Variants in ADAM17 observed in about 807,000 individuals in gnomAD.
The protein encoded by ADAM17 is ADAM metallopeptidase domain 17, also known as disintegrin and metalloproteinase domain-containing protein 17.
ADAM17 carries 39 observed loss-of-function variants against 96.7 expected under a neutral mutation model. That is an observed-to-expected ratio of 0.40 (90% CI 0.31 to 0.53). The LOEUF (loss-of-function observed/expected upper bound fraction) is 0.53. Among genes scored for constraint, ADAM17 ranks in the 20% least tolerant of loss-of-function variants. ADAM17 has a pLI of 0.44. For synonymous variants in ADAM17, 344 were observed against 359.2 expected, an observed-to-expected ratio of 0.96 and a Z score of 0.48; for missense variants, 777 against 1,013.2, an observed-to-expected ratio of 0.77 and a Z score of 3.17.
intron 1 of ADAM17, among the ~76,000 whole-genome samples, chr2:9,551,021 G>C (rs551943317): frequency 1.1e-3 from 173 of 151,504 alleles, no homozygotes; most frequent in African/African-American, 4.1e-3. Context: ...GTTGCAGTAA[G>C]CCAAGATTGC....
intron 10 of ADAM17, among the ~76,000 whole-genome samples, chr2:9,516,882 C>T (rs1664085675): frequency 6.6e-6 from 1 of 152,214 alleles, no homozygotes; most frequent in Admixed American, 6.5e-5. Context: ...ATATACTCAG[C>T]TAAAATAGCC....
Position 9,510,059 on chromosome 2 carries a change from C to G in ADAM17, c.1264G>C (p.Glu422Gln), listed in dbSNP as rs765839537. The change falls in exon 11 of 19, where the codon GAA becomes CAA. Residue 422 changes from glutamate to glutamine, a missense_variant. This residue lies in a region of ADAM17 where 446 missense variants were observed against 664.7 expected (regional missense o/e 0.67). Transcript: ENST00000310823. ...CCCTGGTCCTCATTCGGGGCACATT[C>G]TGCTAGACCATCCGGATCATGTTCT... is the stretch of plus-strand genomic sequence containing the variant. ...GAEHDPDGLAECAPNEDQGGK... is the reference protein window; with the variant it reads ...GAEHDPDGLAQCAPNEDQGGK... The G allele has an allele frequency of 1.2e-6, 2 of 1,614,064 alleles. No individual in the cohort carries two copies. The highest frequency in any genetic ancestry group is 2.2e-5 in the East Asian group (1 of 44,896).
At chr2:9,493,435 C>T (rs1242917112) in intron 16 of ADAM17, among the ~76,000 whole-genome samples, 1 of 152,196 alleles carries the variant, frequency 6.6e-6, no homozygotes, top group Non-Finnish European at 1.5e-5. Flanking sequence ...AACACTCTTA[C>T]ATCAATCAGG....
In ADAM17 at chr2:9,527,980, A is replaced by C. The variant is rs368008399; in HGVS notation, c.451-26T>G. The C allele has an allele frequency of 4.4e-5, 62 of 1,393,904 alleles. No homozygotes were observed. In the African/African-American group the frequency reaches 7.5e-4, roughly 17 times the overall value. The allele number at this position is 1,393,904 out of a possible 1,614,324, so 86.3% of individuals were successfully genotyped here. On this transcript the variant is annotated intron_variant, in intron 4 of 18. Transcript: ENST00000310823. ...CTAAAACAGAAAATATATACGACTG[A>C]GATGGAAAACAATAATAATTCCTAA...
intron 11 of ADAM17, among the ~76,000 whole-genome samples, chr2:9,507,813 C>T (rs1169881295): frequency 2.6e-5 from 4 of 152,076 alleles, no homozygotes; most frequent in Admixed American, 2.6e-4. Context: ...TTGAACTCCC[C>T]GGGTTCCTCC....
intron 4 of ADAM17, among the ~76,000 whole-genome samples, chr2:9,529,287 T>C (rs1410459492): frequency 1.3e-5 from 2 of 151,704 alleles, no homozygotes; most frequent in African/African-American, 4.8e-5. Flanking sequence ...CCGACTCTAG[T>C]AAAAAATACA....
rs1320640398 is a variant in ADAM17 at position 9,505,264 on chromosome 2, C to T, written c.1446G>A (p.Arg482=). The T allele has an allele frequency of 6.2e-7, 1 of 1,614,148 alleles. No individual in the cohort carries two copies. Among genetic ancestry groups the T allele is most frequent in the Admixed American group, 1.7e-5 (1 of 60,016 alleles). The change falls in exon 12 of 19, where the codon AGG becomes AGA. Residue 482 remains arginine, a synonymous_variant. Coordinates refer to ENST00000310823, the MANE Select transcript of ADAM17 (RefSeq NM_003183.6). ...GATCACACTCTTCTCCTTCATCCAC[C>T]CTCGAGTTCCCACAAACTTTATTGC... is the stretch of plus-strand genomic sequence containing the variant. ...ERSNKVCGNS[R]VDEGEECDPG...
At chr2:9,536,658 A>G (rs746391644) in intron 3 of ADAM17, 40 bp downstream of exon 3, 1 of 1,611,322 alleles carries the variant, frequency 6.2e-7, no homozygotes, top group Non-Finnish European at 8.5e-7. Context: ...GAGACCTAAT[A>G]CACCAGACAC....
chr2:9,526,090 G>C, intron 6 of ADAM17, 21 bp downstream of exon 6: 7 of 1,568,514 alleles, frequency 4.5e-6, no homozygotes, highest in Non-Finnish European at 6.1e-6. Flanking sequence ...TCAATTACTC[G>C]ATGCAATATC....
chr2:9,495,293 G>A (rs1662487370), intron 14 of ADAM17, among the ~76,000 whole-genome samples: 1 of 152,246 alleles, frequency 6.6e-6, no homozygotes, highest in African/African-American at 2.4e-5. Flanking sequence ...ACAGGTCACA[G>A]GATAAAACAC....
At chr2:9,542,517 T>C (rs1324243800) in intron 2 of ADAM17, among the ~76,000 whole-genome samples, 2 of 152,190 alleles carry the variant, frequency 1.3e-5, no homozygotes, top group Admixed American at 6.5e-5. Context: ...TCTCTTCATA[T>C]ATAAAGATAA....
In ADAM17 at chr2:9,514,883, A is replaced by G. The variant is rs891612314; in HGVS notation, c.1191+3018T>C. Reference sequence around the variant, plus strand: ...CAGCGAGACTCCATCTCAAAAAAGAAAAGGAGGATCTCGCTAAGTTGCTCA... The same window carrying G: ...CAGCGAGACTCCATCTCAAAAAAGAGAAGGAGGATCTCGCTAAGTTGCTCA... On this transcript the variant is annotated intron_variant, in intron 10 of 18. Coordinates refer to ENST00000310823, the MANE Select transcript of ADAM17 (RefSeq NM_003183.6). Among the ~76,000 whole-genome samples, 5 of 152,028 alleles carry G rather than the reference A, an allele frequency of 3.3e-5. No homozygotes were observed. In the South Asian group the frequency reaches 1.0e-3, roughly 32 times the overall value.
intron 2 of ADAM17, among the ~76,000 whole-genome samples, chr2:9,539,891 G>A (rs1572954136): frequency 1.3e-5 from 2 of 152,190 alleles, no homozygotes; most frequent in Non-Finnish European, 2.9e-5. Flanking sequence ...GAACGGTTTT[G>A]GGGATTAAAG....
chr2:9,520,347 T>A (rs996021319), intron 8 of ADAM17, among the ~76,000 whole-genome samples: 2 of 152,236 alleles, frequency 1.3e-5, no homozygotes, highest in Non-Finnish European at 2.9e-5. Flanking sequence ...AGCACCCTGT[T>A]ATACGGCAAG....
chr2:9,552,825 T>G (rs1448495755), intron 1 of ADAM17, among the ~76,000 whole-genome samples: 1 of 152,224 alleles, frequency 6.6e-6, no homozygotes. Flanking sequence ...TCATTTTTGG[T>G]GACCCATAGA....
chr2:9,550,548 C>T (rs1665557001), intron 1 of ADAM17, among the ~76,000 whole-genome samples: 1 of 147,818 alleles, frequency 6.8e-6, no homozygotes. Context: ...CGGGTTCAAG[C>T]AATTCTCCTG....
intron 16 of ADAM17, 64 bp from the exon 17 acceptor site, chr2:9,493,050 T>C: frequency 7.5e-7 from 1 of 1,330,172 alleles, no homozygotes; most frequent in Admixed American, 2.1e-5. Flanking sequence ...AGTGAAATGC[T>C]CTTAGGATAT....
chr2:9,540,551 T>G (rs1201186827), intron 2 of ADAM17, among the ~76,000 whole-genome samples: 1 of 152,142 alleles, frequency 6.6e-6, no homozygotes, highest in Non-Finnish European at 1.5e-5. Flanking sequence ...TACTATAATA[T>G]TCTGACATAA....
Position 9,493,809 on chromosome 2 carries a change from C to T in ADAM17, c.1931G>A (p.Arg644Gln), listed in dbSNP as rs777431052. ...AAATCGTTCAATTACATCCTGTACT[C>T]GTTTCTCACATTTGCCCTATGAAGA... is the stretch of plus-strand genomic sequence containing the variant. ...FCDMNGKCEK[R>Q]VQDVIERFWD... The change falls in exon 16 of 19, where the codon CGA (arginine) becomes CAA (glutamine). Residue 644 changes from arginine to glutamine, a missense_variant. By Grantham distance (43) the Arg-to-Gln change is conservative. Coordinates refer to ENST00000310823, the MANE Select transcript of ADAM17 (RefSeq NM_003183.6). 35 of 1,613,738 alleles carry T rather than the reference C, an allele frequency of 2.2e-5. No individual in the cohort carries two copies. Among genetic ancestry groups the T allele is most frequent in the South Asian group, 6.6e-5 (6 of 91,042 alleles).
Sources: gnomAD v4.1 joint callset for allele counts (sites outside exome capture counted in the v4.1 genomes callset) on GRCh38, gnomAD v4.1.1 for gene constraint, gnomAD v4.1.1 regional missense constraint, MANE v1.5 for transcripts, NCBI Gene and HGNC (gene_info 2026-07-23, HGNC 2026-07-21) for gene names.